Variants in RBM47 observed in about 807,000 individuals in gnomAD.
RBM47 encodes RNA binding motif protein 47.
A neutral mutation model predicts 47.1 loss-of-function variants in RBM47; 21 were observed. The ratio of observed to expected loss-of-function variants is 0.45; its 90% CI spans 0.32 to 0.64. The LOEUF (loss-of-function observed/expected upper bound fraction) is 0.64. RBM47 is among the 30% of genes least tolerant of loss of function. RBM47 has a pLI of 0.05. For synonymous variants in RBM47, 375 were observed against 361.7 expected, an observed-to-expected ratio of 1.04 and a Z score of -0.42; for missense variants, 708 against 870.9, an observed-to-expected ratio of 0.81 and a Z score of 2.35.
intron 3 of RBM47, among the ~76,000 whole-genome samples, chr4:40,457,422 C>CAAAA (rs35497838): frequency 2.7e-5 from 3 of 111,610 alleles, no homozygotes; most frequent in African/African-American, 7.1e-5. Context: ...GACTCCATCT[C>CAAAA]AAAAAAAAAA....
At chr4:40,575,552 C>CAAAAAAAAAAAAAAAAAAAA (rs33963787) in intron 1 of RBM47, among the ~76,000 whole-genome samples, 5 of 98,356 alleles carry the variant, frequency 5.1e-5, no homozygotes, top group Non-Finnish European at 1.1e-4. Context: ...AACTCCATCT[C>CAAAAAAAAAAAAAAAAAAAA]AAAAAAAAAA....
At chr4:40,457,439 C>CA (rs751589943) in intron 3 of RBM47, among the ~76,000 whole-genome samples, 34 of 130,122 alleles carry the variant, frequency 2.6e-4, no homozygotes, top group South Asian at 1.5e-3. Context: ...AAAAAAAAAA[C>CA]AAAAAAAAGG....
intron 1 of RBM47, among the ~76,000 whole-genome samples, chr4:40,620,282 C>T (rs940681138): frequency 3.5e-4 from 51 of 147,708 alleles, no homozygotes; most frequent in African/African-American, 1.1e-3. Context: ...TCAAGGCGGG[C>T]GGATCACGAG....
In RBM47 at chr4:40,567,153, C is replaced by T. The variant is rs185993535; in HGVS notation, c.-239-22647G>A. The stretch of plus-strand genomic sequence containing the variant: ...ACATAATTAAGATTTGAGCCCAAAT[C>T]TAATTATTATGAATCGGTGACACCA... On this transcript the variant is annotated intron_variant, in intron 1 of 6. Coordinates refer to ENST00000295971, the MANE Select transcript of RBM47 (RefSeq NM_001098634.2). Among the ~76,000 whole-genome samples the T allele has an allele frequency of 5.7e-3, 865 of 151,980 alleles. 12 individuals carry two copies. The highest frequency in any genetic ancestry group is 0.02 in the African/African-American group (823 of 41,494).
intron 2 of RBM47, among the ~76,000 whole-genome samples, chr4:40,525,310 A>G (rs1726589174): frequency 6.6e-6 from 1 of 152,136 alleles, no homozygotes; most frequent in African/African-American, 2.4e-5. Flanking sequence ...TTTTATTAGT[A>G]CAAAATACGA....
intron 2 of RBM47, among the ~76,000 whole-genome samples, chr4:40,539,327 G>C (rs754203953): frequency 2.8e-4 from 43 of 152,030 alleles, no homozygotes; most frequent in Non-Finnish European, 5.3e-4. Flanking sequence ...TTGACCTTTG[G>C]GTGTATTTGC....
intron 3 of RBM47, among the ~76,000 whole-genome samples, chr4:40,457,115 T>A (rs534109408): frequency 6.6e-5 from 10 of 152,134 alleles, no homozygotes; most frequent in East Asian, 3.9e-4. Context: ...GATAGAATTT[T>A]AAAAAATTTT....
In RBM47 at chr4:40,486,126, A is replaced by C. The variant is rs906828087; in HGVS notation, c.-154-19427T>G. Among the ~76,000 whole-genome samples the C allele has an allele frequency of 3.3e-5, 5 of 151,548 alleles. No homozygotes were observed. In the East Asian group the frequency reaches 9.6e-4, roughly 29 times the overall value. On this transcript the variant is annotated intron_variant, in intron 2 of 6. Transcript: ENST00000295971. ...CTTAGTGTGAAGAGTTTAGAAACTA[A>C]ATACAGTAGCTAAGGAAGAAACTGA...
At chr4:40,459,750 C>CT (rs1716828249) in intron 3 of RBM47, among the ~76,000 whole-genome samples, 1 of 151,984 alleles carries the variant, frequency 6.6e-6, no homozygotes, top group Admixed American at 6.6e-5. Context: ...TTTCTTCTTT[C>CT]TTTTTTTGAG....
intron 2 of RBM47, among the ~76,000 whole-genome samples, chr4:40,501,086 G>A (rs1271625902): frequency 1.3e-5 from 2 of 151,948 alleles, no homozygotes; most frequent in Non-Finnish European, 2.9e-5. Flanking sequence ...AGCGATCCCG[G>A]GTGACTGAAG....
At chr4:40,592,611 A>T (rs1734260705) in intron 1 of RBM47, among the ~76,000 whole-genome samples, 1 of 150,368 alleles carries the variant, frequency 6.7e-6, no homozygotes, top group African/African-American at 2.4e-5. Flanking sequence ...TTTAGTAGAG[A>T]CGGGGTTTCT....
chr4:40,524,002 G>C (rs1367287083), intron 2 of RBM47, among the ~76,000 whole-genome samples: 1 of 152,066 alleles, frequency 6.6e-6, no homozygotes, highest in African/African-American at 2.4e-5. Context: ...ACAATGTTTG[G>C]GAAATACTTG....
intron 3 of RBM47, among the ~76,000 whole-genome samples, chr4:40,449,115 A>C (rs1197791292): frequency 6.6e-6 from 1 of 152,204 alleles, no homozygotes; most frequent in African/African-American, 2.4e-5. Flanking sequence ...TCAGAGTTTG[A>C]AAGTGGAAAA....
intron 1 of RBM47, among the ~76,000 whole-genome samples, chr4:40,561,043 G>A (rs993066000): frequency 6.6e-6 from 1 of 151,756 alleles, no homozygotes; most frequent in Non-Finnish European, 1.5e-5. Flanking sequence ...TACGTGTCAG[G>A]AACTGCATTA....
chr4:40,568,707 C>G (rs1034403577), intron 1 of RBM47, among the ~76,000 whole-genome samples: 4 of 151,824 alleles, frequency 2.6e-5, no homozygotes, highest in African/African-American at 9.7e-5. Flanking sequence ...TATTAAAACA[C>G]AGTAGAAGGT....
chr4:40,494,642 T>C (rs1041784091), intron 2 of RBM47, among the ~76,000 whole-genome samples: 2 of 152,088 alleles, frequency 1.3e-5, no homozygotes, highest in Admixed American at 6.5e-5. Context: ...GTGTAGCCCA[T>C]ATGTGCTTTC....
At chr4:40,509,547 G>A (rs1263450656) in intron 2 of RBM47, among the ~76,000 whole-genome samples, 3 of 152,030 alleles carry the variant, frequency 2.0e-5, no homozygotes, top group Non-Finnish European at 4.4e-5. Flanking sequence ...GACCAGTCTG[G>A]GCAACATAGT....
At chr4:40,526,250 T>C (rs1726693101) in intron 2 of RBM47, among the ~76,000 whole-genome samples, 1 of 152,152 alleles carries the variant, frequency 6.6e-6, no homozygotes, top group Admixed American at 6.5e-5. Flanking sequence ...GCCTACTTTG[T>C]AGTATTTCAA....
intron 2 of RBM47, among the ~76,000 whole-genome samples, chr4:40,480,776 T>G (rs380574): frequency 0.022 from 3,336 of 152,280 alleles, 84 homozygotes; most frequent in African/African-American, 0.059. Flanking sequence ...ATGTAGCATC[T>G]GATAAGCTAA....
Sources: gnomAD v4.1 joint callset for allele counts (sites outside exome capture counted in the v4.1 genomes callset) on GRCh38, gnomAD v4.1.1 for gene constraint, MANE v1.5 for transcripts, NCBI Gene and HGNC (gene_info 2026-07-23, HGNC 2026-07-21) for gene names.